The following GAB1 variants were observed in gnomAD, a reference collection of about 807,000 sequenced individuals.
The protein encoded by GAB1 is GRB2-associated-binding protein 1.
Under a neutral mutation model 66.5 loss-of-function variants are expected in GAB1, and 19 were observed. The observed-to-expected ratio is 0.29, with a 90% CI of 0.20 to 0.42. The LOEUF (loss-of-function observed/expected upper bound fraction) is 0.42. Among genes scored for constraint, GAB1 ranks in the 10% least tolerant of loss-of-function variants. The pLI is 1.00. For missense variants in GAB1, 732 were observed against 858.5 expected, an observed-to-expected ratio of 0.85 and a Z score of 1.84; for synonymous variants, 294 against 301.4, an observed-to-expected ratio of 0.98 and a Z score of 0.25.
rs1733779483 is a variant in GAB1 at position 143,433,427 on chromosome 4, A to T, written c.368-64A>T. The T allele has an allele frequency of 3.6e-6, 4 of 1,108,426 alleles. No individual in the cohort carries two copies. The South Asian group carries it at 3.8e-5, about 11-fold the overall frequency. The allele number at this position is 1,108,426 out of a possible 1,614,324, so 68.7% of individuals were successfully genotyped here. A position where few individuals can be genotyped will look rare whatever the true frequency, so the allele number is the denominator to read the frequency against. ...TGTTGAAACAATTTGTCTCCAAAGT[A>T]GCTTTGTTTTTCCAAAAATTGTTTA... On this transcript the variant is annotated intron_variant, in intron 2 of 9. Coordinates refer to ENST00000262994, the MANE Select transcript of GAB1 (RefSeq NM_002039.4).
intron 8 of GAB1, among the ~76,000 whole-genome samples, chr4:143,463,863 A>G (rs1209403580): frequency 6.6e-6 from 1 of 152,208 alleles, no homozygotes; most frequent in Non-Finnish European, 1.5e-5. Flanking sequence ...TAGTAATAAC[A>G]GACATAAAAT....
chr4:143,343,257 A>G (rs1358878038), intron 1 of GAB1, among the ~76,000 whole-genome samples: 2 of 152,214 alleles, frequency 1.3e-5, no homozygotes, highest in Non-Finnish European at 1.5e-5. Flanking sequence ...GAGCTCTTCA[A>G]TAAGCTGCAA....
At chr4:143,392,601 G>A (rs1448913503) in intron 1 of GAB1, among the ~76,000 whole-genome samples, 1 of 152,028 alleles carries the variant, frequency 6.6e-6, no homozygotes, top group African/African-American at 2.4e-5. Flanking sequence ...AAAGAATATG[G>A]GTTGATGACA....
intron 6 of GAB1, among the ~76,000 whole-genome samples, chr4:143,447,213 A>T (rs1473178175): frequency 9.9e-5 from 15 of 152,102 alleles, no homozygotes; most frequent in African/African-American, 2.9e-4. Context: ...TAGTATAGTT[A>T]GAAGTCAGGT....
chr4:143,432,330 C>T (rs775306721), intron 2 of GAB1, among the ~76,000 whole-genome samples: 3 of 152,336 alleles, frequency 2.0e-5, no homozygotes, highest in Non-Finnish European at 4.4e-5. Context: ...TACCCTTTCT[C>T]ATGCCCCACA....
chr4:143,394,596 A>G (rs1731348179), intron 1 of GAB1, among the ~76,000 whole-genome samples: 1 of 152,126 alleles, frequency 6.6e-6, no homozygotes, highest in South Asian at 2.1e-4. Context: ...AGGTCAAGCA[A>G]TTCTGTACCC....
chr4:143,391,190 G>A (rs1035145180), intron 1 of GAB1, among the ~76,000 whole-genome samples: 1 of 152,188 alleles, frequency 6.6e-6, no homozygotes, highest in Admixed American at 6.5e-5. Flanking sequence ...AACATTTCAA[G>A]TAACAGTCTA....
chr4:143,389,180 T>G lies in GAB1; in HGVS notation c.73-26297T>G, dbSNP rs183592486. Among the ~76,000 whole-genome samples the G allele has an allele frequency of 4.6e-5, 7 of 152,354 alleles. No individual in the cohort carries two copies. In the East Asian group the frequency reaches 1.2e-3, roughly 25 times the overall value. ...AGAGCTTTTATTTTTATAGGAATGA[T>G]TTAGCTTATGGAGTACCAATCTCAT... On this transcript the variant is annotated intron_variant, in intron 1 of 9. Transcript: ENST00000262994.
chr4:143,459,821 T>C (rs1735390323), intron 7 of GAB1, among the ~76,000 whole-genome samples: 1 of 152,172 alleles, frequency 6.6e-6, no homozygotes, highest in Non-Finnish European at 1.5e-5. Context: ...ATACAACTCA[T>C]GTAAACAAAA....
chr4:143,338,621 C>T (rs933664267), intron 1 of GAB1, among the ~76,000 whole-genome samples: 3 of 152,048 alleles, frequency 2.0e-5, no homozygotes, highest in Non-Finnish European at 4.4e-5. Flanking sequence ...TATCAGTTTT[C>T]CTGAATATCC....
At chr4:143,407,658 A>C (rs1466640772) in intron 1 of GAB1, among the ~76,000 whole-genome samples, 2 of 152,218 alleles carry the variant, frequency 1.3e-5, no homozygotes, top group Non-Finnish European at 2.9e-5. Flanking sequence ...AGGAAATTTT[A>C]GGCTTCTGTG....
At chr4:143,401,052 C>CT (rs1731746339) in intron 1 of GAB1, among the ~76,000 whole-genome samples, 2 of 149,314 alleles carry the variant, frequency 1.3e-5, no homozygotes, top group Admixed American at 1.3e-4. Flanking sequence ...GTTTTTATTT[C>CT]TTTTTTATAT....
chr4:143,439,902 C>A lies in GAB1; in HGVS notation c.1281+15C>A. On this transcript the variant is annotated intron_variant, in intron 5 of 9. Coordinates refer to ENST00000262994, the MANE Select transcript of GAB1 (RefSeq NM_002039.4). ...ATAACCACTTTGTAAGTATAATTGA[C>A]CTTGGCATCATCAAGTGTATTTCAT... 6.3e-7 allele frequency: 1 copy of A among 1,576,108 alleles called. No individual in the cohort carries two copies. The highest frequency in any genetic ancestry group is 8.7e-7 in the Non-Finnish European group (1 of 1,145,526).
At chr4:143,339,390 A>G (rs1185345497) in intron 1 of GAB1, among the ~76,000 whole-genome samples, 1 of 152,256 alleles carries the variant, frequency 6.6e-6, no homozygotes, top group African/African-American at 2.4e-5. Flanking sequence ...GTACGCCTGT[A>G]ATCCCAGCTG....
At chr4:143,461,369 A>C (rs991521709) in intron 8 of GAB1, among the ~76,000 whole-genome samples, 1 of 152,178 alleles carries the variant, frequency 6.6e-6, no homozygotes, top group Admixed American at 6.5e-5. Context: ...GCTCTGTTCC[A>C]TAGAGTCTTC....
At chr4:143,382,279 A>G (rs756652179) in intron 1 of GAB1, among the ~76,000 whole-genome samples, 7 of 152,216 alleles carry the variant, frequency 4.6e-5, no homozygotes, top group Non-Finnish European at 8.8e-5. Context: ...GTGAAGCTGT[A>G]TATTTGTTTA....
chr4:143,367,296 A>G (rs1729922631), intron 1 of GAB1, among the ~76,000 whole-genome samples: 1 of 152,234 alleles, frequency 6.6e-6, no homozygotes, highest in Non-Finnish European at 1.5e-5. Flanking sequence ...TTGGAACTCA[A>G]TAAATGCTTG....
chr4:143,372,524 A>G (rs1730172354), intron 1 of GAB1, among the ~76,000 whole-genome samples: 1 of 141,916 alleles, frequency 7.0e-6, no homozygotes, highest in African/African-American at 2.5e-5. Flanking sequence ...GATTAACAGC[A>G]GTTAACCATG....
At position 143,440,196 on chromosome 4, in the gene GAB1, A is replaced by G. The variant is rs932150262; in HGVS notation, c.1399A>G (p.Ile467Val). 2 of 1,614,208 alleles carry G rather than the reference A, an allele frequency of 1.2e-6. No individual in the cohort carries two copies. The highest frequency in any genetic ancestry group is 1.6e-4 in the Middle Eastern group (1 of 6,062). ...ACATTCCAGCAGTTTTACAGAACCA[A>G]TTCAGGAAGCAAATTATGTGCCAAT... Reference protein sequence around the residue: ...RQHSSSFTEPIQEANYVPMTP... With the variant: ...RQHSSSFTEPVQEANYVPMTP... Residue 467 changes from isoleucine to valine, a missense_variant, in exon 6 of 10, where the codon ATT becomes GTT. Physicochemically the swap from Ile to Val is conservative, Grantham distance 29 (BLOSUM62 3). This residue lies in a region of GAB1 where 427 missense variants were observed against 420.6 expected (regional missense o/e 1.02). Coordinates refer to ENST00000262994, the MANE Select transcript of GAB1 (RefSeq NM_002039.4).
Sources: allele counts gnomAD v4.1 joint callset (sites outside exome capture counted in the v4.1 genomes callset), GRCh38; gene constraint gnomAD v4.1.1; regional missense constraint gnomAD v4.1.1; transcripts MANE v1.5; gene names NCBI Gene and HGNC (gene_info 2026-07-23, HGNC 2026-07-21).